The following BCAS3 variants were observed in gnomAD, a reference collection of about 807,000 sequenced individuals.
BCAS3 encodes the protein BCAS4/BCAS3 fusion.
Under a neutral mutation model 116.1 loss-of-function variants are expected in BCAS3, and 53 were observed. The ratio of observed to expected loss-of-function variants is 0.46; its 90% CI spans 0.37 to 0.57. The LOEUF is 0.57. Among genes scored for constraint, BCAS3 ranks in the 20% least tolerant of loss-of-function variants. BCAS3 has a pLI of 0.00. For missense variants in BCAS3, 917 were observed against 1,165.4 expected (o/e 0.79, Z 3.10); for synonymous variants, 391 against 408.2 (o/e 0.96, Z 0.51).
rs1272816799 is a variant in BCAS3 at position 61,151,760 on chromosome 17, C to T, written c.2425+67196C>T. Among the ~76,000 whole-genome samples the T allele has an allele frequency of 1.3e-5, 2 of 152,182 alleles. No individual in the cohort carries two copies. The highest frequency in any genetic ancestry group is 4.8e-5 in the African/African-American group (2 of 41,432). On this transcript the variant is annotated intron_variant, in intron 22 of 23. Coordinates refer to ENST00000407086, the MANE Select transcript of BCAS3 (RefSeq NM_017679.5). The surrounding 1 kb of genome is among the most constrained non-coding windows in gnomAD (Gnocchi z 4.8). ...AGCATGAGCCACTGCACCTGGCCAA[C>T]ATCTATATTTTGAATGACTGTTGTA... is the stretch of plus-strand genomic sequence containing the variant.
rs887681837 is a variant in BCAS3 at position 61,348,256 on chromosome 17, G to A, written c.2426-20071G>A. On this transcript the variant is annotated intron_variant, in intron 22 of 23. Coordinates refer to ENST00000407086, the MANE Select transcript of BCAS3 (RefSeq NM_017679.5). The surrounding 1 kb of genome is among the most constrained non-coding windows in gnomAD (Gnocchi z 4.5). Reference sequence around the variant, plus strand: ...GAAGATGGTGTTGCCACCCACCTAAGTAGGGATAGAGAAGGAAGAGCAAGG... The same window carrying A: ...GAAGATGGTGTTGCCACCCACCTAAATAGGGATAGAGAAGGAAGAGCAAGG... Among the ~76,000 whole-genome samples the A allele has an allele frequency of 6.6e-6, 1 of 152,200 alleles. No individual in the cohort carries two copies. Among genetic ancestry groups the A allele is most frequent in the Non-Finnish European group, 1.5e-5 (1 of 68,034 alleles).
chr17:60,938,711 A>AT (rs1555623691), intron 13 of BCAS3, among the ~76,000 whole-genome samples: 2 of 146,570 alleles, frequency 1.4e-5, no homozygotes, highest in African/African-American at 2.5e-5. Flanking sequence ...TTTCTGATAG[A>AT]AGATAGATAG....
At chr17:60,921,440 C>T (rs1357937055) in intron 12 of BCAS3, among the ~76,000 whole-genome samples, 3 of 151,840 alleles carry the variant, frequency 2.0e-5, no homozygotes, top group East Asian at 1.9e-4. Context: ...GGTGAAACCC[C>T]GTCTCTACTA....
rs1317625856 is a variant in BCAS3 at position 61,362,659 on chromosome 17, C to G, written c.2426-5668C>G. On this transcript the variant is annotated intron_variant, in intron 22 of 23. Transcript: ENST00000407086. The surrounding 1 kb of genome is among the most constrained non-coding windows in gnomAD (Gnocchi z 4.4). ...TAATGGGTTTGTGAAACCCAAGAAC[C>G]TGACCCATTTCTCCTCTGGGGAAAG... 6.6e-6 allele frequency: 1 copy of G among 152,238 alleles called. No homozygotes were observed. Among genetic ancestry groups the G allele is most frequent in the Non-Finnish European group, 1.5e-5 (1 of 68,054 alleles). The allele number at this position is 152,238 out of a possible 1,614,324, so 9.4% of individuals were successfully genotyped here.
intron 22 of BCAS3, among the ~76,000 whole-genome samples, chr17:61,288,542 G>A (rs1029918960): frequency 6.6e-6 from 1 of 152,156 alleles, no homozygotes; most frequent in African/African-American, 2.4e-5. Context: ...GTGGTGCTTT[G>A]ATCTTTTAAA....
chr17:61,065,026 T>C lies in BCAS3; in HGVS notation c.2030-9894T>C, dbSNP rs893988136. 3.9e-5 allele frequency among the ~76,000 whole-genome samples: 6 copies of C among 152,236 alleles called. No homozygotes were observed. The highest frequency in any genetic ancestry group is 1.2e-4 in the African/African-American group (5 of 41,470). On this transcript the variant is annotated intron_variant, in intron 19 of 23. Coordinates refer to ENST00000407086, the MANE Select transcript of BCAS3 (RefSeq NM_017679.5). The surrounding 1 kb of genome is among the most constrained non-coding windows in gnomAD (Gnocchi z 4.8). ...CATTTATAAATCAGTGTGAATTTAA[T>C]ACTACCCATTTTCAAGTAGTTATGT...
intron 13 of BCAS3, among the ~76,000 whole-genome samples, chr17:60,946,115 C>G (rs74257535): frequency 0.21 from 32,254 of 152,052 alleles, 4,227 homozygotes; most frequent in African/African-American, 0.38. Context: ...GAGACTCCAT[C>G]TCAAAAAGAT....
chr17:60,691,110 T>C (rs2034763049), intron 4 of BCAS3, among the ~76,000 whole-genome samples: 1 of 151,876 alleles, frequency 6.6e-6, no homozygotes, highest in African/African-American at 2.4e-5. Context: ...TTTTTGTATT[T>C]TTAGTAGAGA....
chr17:61,128,045 A>G lies in BCAS3; in HGVS notation c.2425+43481A>G. 3.7e-6 allele frequency: 1 copy of G among 270,414 alleles called. No homozygotes were observed. Among genetic ancestry groups the G allele is most frequent in the Non-Finnish European group, 5.7e-6 (1 of 176,496 alleles). The allele number at this position is 270,414 out of a possible 1,614,324, so 16.8% of individuals were successfully genotyped here. On this transcript the variant is annotated intron_variant, in intron 22 of 23. Transcript: ENST00000407086. The surrounding 1 kb of genome is among the most constrained non-coding windows in gnomAD (Gnocchi z 4.1). ...TTCAGCAAAGAACACCACAATTCCC[A>G]TTGAGCTCAGAAAATGTGATTAAGG...
chr17:61,328,505 A>C (rs187561889), intron 22 of BCAS3, among the ~76,000 whole-genome samples: 34 of 152,342 alleles, frequency 2.2e-4, no homozygotes, highest in Admixed American at 2.2e-3. Context: ...AGTGGCTCAC[A>C]CCTGTAATCC....
intron 2 of BCAS3, among the ~76,000 whole-genome samples, chr17:60,680,704 C>T (rs1016853356): frequency 7.3e-5 from 11 of 151,598 alleles, no homozygotes; most frequent in Admixed American, 5.9e-4. Flanking sequence ...GGCGCCGTCT[C>T]GGCTCGCTGC....
At chr17:61,252,602 AT>A (rs941194965) in intron 22 of BCAS3, among the ~76,000 whole-genome samples, 1 of 151,910 alleles carries the variant, frequency 6.6e-6, no homozygotes, top group Non-Finnish European at 1.5e-5. Flanking sequence ...AAGCCTGGGA[AT>A]TAAACAGTTG....
chr17:60,770,400 C>CTTTTTTTTTTTT (rs35691381), intron 6 of BCAS3, among the ~76,000 whole-genome samples: 1 of 76,902 alleles, frequency 1.3e-5, no homozygotes, highest in Non-Finnish European at 2.9e-5. Flanking sequence ...AGTGTTCCCT[C>CTTTTTTTTTTTT]TTTTTTTTTT....
At chr17:60,766,369 G>A (rs1187007216) in intron 6 of BCAS3, among the ~76,000 whole-genome samples, 1 of 152,062 alleles carries the variant, frequency 6.6e-6, no homozygotes, top group Non-Finnish European at 1.5e-5. Flanking sequence ...CTACAGATGG[G>A]GTTTTGATGT....
In BCAS3 at chr17:61,106,088, T is replaced by G. The variant is rs2074629894; in HGVS notation, c.2425+21524T>G. 6.6e-6 allele frequency among the ~76,000 whole-genome samples: 1 copy of G among 152,222 alleles called. No homozygotes were observed. On this transcript the variant is annotated intron_variant, in intron 22 of 23. Transcript: ENST00000407086. This position sits in a 1 kb window ranked among gnomAD's most constrained non-coding sequence, Gnocchi z 4.2. ...TGTATTCAGGTAACCTTTATTTTAC[T>G]TAATGGCCCCAAAGCACAAGGGTTG...
intron 14 of BCAS3, chr17:60,987,280 T>G (rs896042085): frequency 6.6e-6 from 1 of 151,564 alleles, no homozygotes; most frequent in Non-Finnish European, 1.5e-5. Flanking sequence ...CTCCAGGTTT[T>G]TTTTTTTTTT....
chr17:61,294,647 C>T (rs2052726774), intron 22 of BCAS3, among the ~76,000 whole-genome samples: 2 of 152,156 alleles, frequency 1.3e-5, no homozygotes, highest in South Asian at 4.1e-4. Context: ...AGCAGAAATG[C>T]CCTACCTCAT....
intron 12 of BCAS3, among the ~76,000 whole-genome samples, chr17:60,920,840 A>T (rs749496962): frequency 3.5e-4 from 53 of 152,006 alleles, no homozygotes; most frequent in Admixed American, 2.6e-4. Flanking sequence ...ACTGCACTCC[A>T]GCCTGGGCGA....
rs1281600460 is a variant in BCAS3 at position 60,967,297 on chromosome 17, G to A, written c.1221+19945G>A. Among the ~76,000 whole-genome samples, 2 of 152,126 alleles carry A rather than the reference G, an allele frequency of 1.3e-5. No individual in the cohort carries two copies. The highest frequency in any genetic ancestry group is 1.5e-5 in the Non-Finnish European group (1 of 68,020). On this transcript the variant is annotated intron_variant, in intron 14 of 23. Transcript: ENST00000407086. The surrounding 1 kb of genome is among the most constrained non-coding windows in gnomAD (Gnocchi z 4.7). ...ACTTTATTTCCCCTTCATATTTCAAGTATAATTTTGCTGAATGCAATATTC... is the reference window on the plus strand; with the variant it reads ...ACTTTATTTCCCCTTCATATTTCAAATATAATTTTGCTGAATGCAATATTC...
Sources: allele counts gnomAD v4.1 joint callset (sites outside exome capture counted in the v4.1 genomes callset), GRCh38; gene constraint gnomAD v4.1.1; non-coding constraint Gnocchi (gnomAD v3.1); transcripts MANE v1.5; gene names NCBI Gene and HGNC (gene_info 2026-07-23, HGNC 2026-07-21).